The following STK3 variants were observed in gnomAD, a reference collection of about 807,000 sequenced individuals.
STK3 encodes serine/threonine-protein kinase 3.
STK3 carries 41 observed loss-of-function variants against 58.0 expected under a neutral mutation model. The observed-to-expected ratio is 0.71, with a 90% confidence interval of 0.55 to 0.92. STK3 has a LOEUF of 0.92. STK3 is among the 40% of genes least tolerant of loss of function. The pLI is 0.00. For synonymous variants in STK3, 170 were observed against 191.0 expected (o/e 0.89, Z 0.91); for missense variants, 479 against 602.7 (o/e 0.79, Z 2.15).
intron 3 of STK3, among the ~76,000 whole-genome samples, chr8:98,415,201 G>A (rs371481498): frequency 2.6e-5 from 4 of 152,132 alleles, no homozygotes; most frequent in Admixed American, 6.5e-5. Context: ...AGCAGCCCTC[G>A]CCAGACACCA....
At chr8:98,598,917 A>C in intron 6 of STK3, 1 of 985,086 alleles carries the variant, frequency 1.0e-6, no homozygotes, top group South Asian at 4.7e-5. Context: ...GCTTCAAAAC[A>C]ACTAATTATC....
intron 2 of STK3, among the ~76,000 whole-genome samples, chr8:98,377,246 C>A (rs1183320908): frequency 6.6e-6 from 1 of 152,166 alleles, no homozygotes; most frequent in African/African-American, 2.4e-5. Context: ...AAAAATGCAT[C>A]AACATTGCTA....
intron 6 of STK3, among the ~76,000 whole-genome samples, chr8:98,621,451 G>C (rs973007074): frequency 6.6e-6 from 1 of 152,106 alleles, no homozygotes; most frequent in East Asian, 1.9e-4. Flanking sequence ...TGAATGAGTA[G>C]TGAGAGTGAA....
intron 6 of STK3, chr8:98,597,304 A>G: frequency 4.1e-6 from 4 of 985,434 alleles, no homozygotes; most frequent in Non-Finnish European, 4.8e-6. Flanking sequence ...CTCAATATCC[A>G]AGTCTGTTGA....
At chr8:98,634,773 C>T (rs1819508097) in intron 6 of STK3, among the ~76,000 whole-genome samples, 1 of 152,068 alleles carries the variant, frequency 6.6e-6, no homozygotes, top group Non-Finnish European at 1.5e-5. Flanking sequence ...ATGGAGACAG[C>T]AGTGTTCTCT....
intron 10 of STK3, among the ~76,000 whole-genome samples, chr8:98,473,449 C>T (rs1399933303): frequency 1.3e-5 from 2 of 152,130 alleles, no homozygotes; most frequent in Admixed American, 1.3e-4. Flanking sequence ...AAAACCCTGC[C>T]TTGACTCACG....
chr8:98,586,231 G>T (rs1814577947), intron 7 of STK3, among the ~76,000 whole-genome samples: 1 of 151,736 alleles, frequency 6.6e-6, no homozygotes, highest in Non-Finnish European at 1.5e-5. Flanking sequence ...TTGGCTGTGG[G>T]TTTGTCATAG....
At chr8:98,365,027 T>C in the STK3 span, among the ~76,000 whole-genome samples, 4 of 152,228 alleles carry the variant, frequency 2.6e-5, no homozygotes, top group African/African-American at 9.6e-5. Context: ...TGACTTCCGC[T>C]GTTGCTGGTC....
chr8:98,482,371 C>A, intron 10 of STK3, among the ~76,000 whole-genome samples: 1 of 152,004 alleles, frequency 6.6e-6, no homozygotes, highest in East Asian at 1.9e-4. Context: ...ATAAGAATGA[C>A]AAATAAGAGA....
At chr8:98,589,084 T>G (rs1274210046) in intron 7 of STK3, among the ~76,000 whole-genome samples, 16 of 152,150 alleles carry the variant, frequency 1.1e-4, no homozygotes, top group Admixed American at 1.0e-3. Context: ...GTCTGAAGCC[T>G]TCTTCTCTCA....
At chr8:98,627,951 G>T (rs184446305) in intron 6 of STK3, among the ~76,000 whole-genome samples, 82 of 152,272 alleles carry the variant, frequency 5.4e-4, no homozygotes, top group African/African-American at 1.8e-3. Flanking sequence ...CATCAAATGA[G>T]AAAATATATA....
intron 3 of STK3, among the ~76,000 whole-genome samples, chr8:98,395,580 C>CTAT (rs1817890094): frequency 1.3e-5 from 2 of 152,184 alleles, no homozygotes; most frequent in African/African-American, 4.8e-5. Context: ...AAAGAGCTAA[C>CTAT]TATTATTCAT....
At chr8:98,650,293 T>C (rs1420541308) in intron 6 of STK3, among the ~76,000 whole-genome samples, 1 of 152,284 alleles carries the variant, frequency 6.6e-6, no homozygotes, top group African/African-American at 2.4e-5. Context: ...ACATACTTGT[T>C]ATTAGAAATA....
At chr8:98,468,706 C>G (rs1054390610) in intron 10 of STK3, among the ~76,000 whole-genome samples, 3 of 152,166 alleles carry the variant, frequency 2.0e-5, no homozygotes, top group African/African-American at 7.2e-5. Flanking sequence ...AATCAACTTT[C>G]AAATGTAAAT....
At chr8:98,722,807 G>A (rs1329665212) in intron 4 of STK3, 2 of 412,296 alleles carry the variant, frequency 4.9e-6, no homozygotes, top group Non-Finnish European at 9.4e-6. Flanking sequence ...TTTCAAAATG[G>A]TCAGATTTAT....
At chr8:98,521,814 C>T (rs1299220552) in intron 10 of STK3, among the ~76,000 whole-genome samples, 1 of 152,106 alleles carries the variant, frequency 6.6e-6, no homozygotes, top group Non-Finnish European at 1.5e-5. Context: ...TCTCTTTCTG[C>T]TATCCATTTA....
At chr8:98,905,363 T>C in intron 1 of STK3, 1 of 1,036,836 alleles carries the variant, frequency 9.6e-7, no homozygotes, top group Non-Finnish European at 1.5e-6. Context: ...ATTCAATGAC[T>C]GGACCATACT....
At chr8:98,620,475 T>A (rs143625012) in intron 6 of STK3, among the ~76,000 whole-genome samples, 7,851 of 128,926 alleles carry the variant, frequency 0.061, 243 homozygotes, top group East Asian at 0.13. Context: ...ATAAAAAAAA[T>A]AAATAAATAA....
intron 7 of STK3, among the ~76,000 whole-genome samples, chr8:98,592,252 C>G (rs118167677): frequency 5.3e-5 from 8 of 152,204 alleles, no homozygotes; most frequent in Non-Finnish European, 8.8e-5. Context: ...CACCACTTCT[C>G]TAACTGGTGT....
Sources: gnomAD v4.1 joint callset for allele counts (sites outside exome capture counted in the v4.1 genomes callset) on GRCh38, gnomAD v4.1.1 for gene constraint, MANE v1.5 for transcripts, NCBI Gene and HGNC (gene_info 2026-07-23, HGNC 2026-07-21) for gene names.